Variants in CXCL13 observed in about 807,000 individuals in gnomAD.
The protein encoded by CXCL13 is C-X-C motif chemokine ligand 13, also known as C-X-C motif chemokine 13.
In CXCL13, 7 loss-of-function variants were observed where a neutral mutation model predicts 12.2. The ratio of observed to expected loss-of-function variants is 0.57; its 90% CI spans 0.33 to 1.07. The LOEUF (loss-of-function observed/expected upper bound fraction) is 1.07. Ranked by LOEUF, CXCL13 falls within the 50% of genes least tolerant of loss-of-function variation. The pLI is 0.04. For synonymous variants in CXCL13, 47 were observed against 42.4 expected (o/e 1.11, Z -0.42); for missense variants, 113 against 127.4 (o/e 0.89, Z 0.55).
At chr4:77,547,776 T>C (rs184898927) in intron 1 of CXCL13, among the ~76,000 whole-genome samples, 3 of 152,328 alleles carry the variant, frequency 2.0e-5, no homozygotes, top group African/African-American at 4.8e-5. Context: ...CCTGTCATTA[T>C]GATGTTAGCT....
chr4:77,539,583 C>T (rs1215838379), intron 1 of CXCL13, among the ~76,000 whole-genome samples: 1 of 152,234 alleles, frequency 6.6e-6, no homozygotes, highest in Non-Finnish European at 1.5e-5. Flanking sequence ...GAGTTGTACA[C>T]ATGCTCACTT....
chr4:77,548,976 C>G lies in CXCL13; in HGVS notation c.-43+37188C>G, dbSNP rs565725084. On this transcript the variant is annotated intron_variant, in intron 1 of 4. Transcript: ENST00000286758. ...CCTCATCACTTTCAGGTATACCAAT[C>G]AAATGTAGATTTGGTCTTTTCACAT... Among the ~76,000 whole-genome samples, 17 of 152,330 alleles carry G rather than the reference C, an allele frequency of 1.1e-4. No individual in the cohort carries two copies. The East Asian group carries it at 2.9e-3, about 26-fold the overall frequency.
chr4:77,574,402 T>C (rs905325624), intron 1 of CXCL13, among the ~76,000 whole-genome samples: 3 of 151,932 alleles, frequency 2.0e-5, no homozygotes, highest in Non-Finnish European at 4.4e-5. Flanking sequence ...GGCCGTCCTA[T>C]ATTTTGTATC....
intron 1 of CXCL13, among the ~76,000 whole-genome samples, chr4:77,533,756 G>A (rs539846174): frequency 8.5e-5 from 13 of 152,224 alleles, no homozygotes; most frequent in Admixed American, 3.9e-4. Context: ...CCCCAGCCTC[G>A]CTGCCACCTT....
intron 1 of CXCL13, among the ~76,000 whole-genome samples, chr4:77,588,755 T>A (rs2650915): frequency 0.089 from 13,484 of 152,144 alleles, 1,657 homozygotes; most frequent in African/African-American, 0.27. Context: ...GATTAATTTC[T>A]TGGGCTCTGA....
At chr4:77,527,842 A>G (rs1724805620) in intron 1 of CXCL13, among the ~76,000 whole-genome samples, 2 of 152,036 alleles carry the variant, frequency 1.3e-5, no homozygotes, top group Admixed American at 1.3e-4. Context: ...GGTTAGTTAC[A>G]TATGTATACA....
chr4:77,553,148 G>A (rs1453416451), intron 1 of CXCL13, among the ~76,000 whole-genome samples: 1 of 152,192 alleles, frequency 6.6e-6, no homozygotes, highest in African/African-American at 2.4e-5. Flanking sequence ...TCACCAGCTG[G>A]CCCTAGCTGT....
chr4:77,543,462 A>C (rs868814420), intron 1 of CXCL13, among the ~76,000 whole-genome samples: 1 of 151,960 alleles, frequency 6.6e-6, no homozygotes, highest in Non-Finnish European at 1.5e-5. Context: ...GTAATTTGAG[A>C]TCTTTCCAAC....
chr4:77,548,321 A>T (rs1725425900), intron 1 of CXCL13, among the ~76,000 whole-genome samples: 2 of 152,236 alleles, frequency 1.3e-5, no homozygotes, highest in Admixed American at 6.5e-5. Flanking sequence ...CTTTACAAAA[A>T]TGACTGCAGT....
Position 77,573,362 on chromosome 4 carries a change from T to TTGTGTGTG in CXCL13, c.-42-32420_-42-32413dup, listed in dbSNP as rs3048191. Among the ~76,000 whole-genome samples the TTGTGTGTG allele has an allele frequency of 1.5e-3, 204 of 134,980 alleles. 1 individual carries two copies. The highest frequency in any genetic ancestry group is 3.8e-3 in the Middle Eastern group (1 of 266). 88.6% of individuals were successfully genotyped at this position (134,980 alleles called of 152,430 possible). ...CCAAGAAAAAAAGCTATTGGGTCTT[T>TTGTGTGTG]TGTGTGTGTGTGTGTGTGTGTGTGT... On this transcript the variant is annotated intron_variant, in intron 1 of 4. Transcript: ENST00000286758.
intron 1 of CXCL13, among the ~76,000 whole-genome samples, chr4:77,518,803 T>C (rs1355063720): frequency 1.3e-5 from 2 of 152,244 alleles, no homozygotes; most frequent in Admixed American, 1.3e-4. Flanking sequence ...TTCAAAGTCA[T>C]TCTCCATCCA....
intron 1 of CXCL13, among the ~76,000 whole-genome samples, chr4:77,549,177 T>C (rs1211880180): frequency 6.6e-6 from 1 of 152,256 alleles, no homozygotes; most frequent in African/African-American, 2.4e-5. Context: ...GCCACGGTTT[T>C]CAGCTCCGTC....
intron 1 of CXCL13, among the ~76,000 whole-genome samples, chr4:77,546,263 A>C (rs1462660222): frequency 6.6e-6 from 1 of 150,908 alleles, no homozygotes; most frequent in Admixed American, 6.5e-5. Context: ...CTGGCCTCAT[A>C]AAATGAGTTA....
intron 1 of CXCL13, among the ~76,000 whole-genome samples, chr4:77,591,611 A>T (rs1467155476): frequency 6.6e-6 from 1 of 151,752 alleles, no homozygotes; most frequent in Non-Finnish European, 1.5e-5. Context: ...ATCACCTGGG[A>T]AGTGAATTAA....
intron 1 of CXCL13, among the ~76,000 whole-genome samples, chr4:77,568,681 G>T (rs1258763829): frequency 2.0e-5 from 3 of 152,044 alleles, no homozygotes; most frequent in African/African-American, 7.3e-5. Flanking sequence ...TTTGGCATTT[G>T]GTGTGAGGAT....
intron 1 of CXCL13, among the ~76,000 whole-genome samples, chr4:77,518,116 A>T (rs1724476281): frequency 6.6e-6 from 1 of 152,264 alleles, no homozygotes; most frequent in East Asian, 1.9e-4. Context: ...AATGGTGAAT[A>T]TTGGCCCCCA....
At chr4:77,566,323 G>T (rs1358624190) in intron 1 of CXCL13, among the ~76,000 whole-genome samples, 1 of 152,260 alleles carries the variant, frequency 6.6e-6, no homozygotes. Context: ...TCATTCAGGG[G>T]TTAAGAACAT....
chr4:77,519,107 GT>G (rs1051612804), intron 1 of CXCL13, among the ~76,000 whole-genome samples: 1 of 152,152 alleles, frequency 6.6e-6, no homozygotes, highest in East Asian at 1.9e-4. Context: ...CAGAGCAGTG[GT>G]TTTTTGTGAA....
At chr4:77,516,949 T>A (rs1383220014) in intron 1 of CXCL13, among the ~76,000 whole-genome samples, 1 of 152,218 alleles carries the variant, frequency 6.6e-6, no homozygotes. Flanking sequence ...CATTTAGTGC[T>A]ATAAATTTCC....
Sources: gnomAD v4.1 joint callset for allele counts (sites outside exome capture counted in the v4.1 genomes callset) on GRCh38, gnomAD v4.1.1 for gene constraint, MANE v1.5 for transcripts, NCBI Gene and HGNC (gene_info 2026-07-23, HGNC 2026-07-21) for gene names.